The following SMAD7 variants were observed in gnomAD, a reference collection of about 807,000 sequenced individuals.
The protein encoded by SMAD7 is SMAD family member 7.
Under a neutral mutation model 38.7 loss-of-function variants are expected in SMAD7, and 8 were observed. The observed-to-expected ratio is 0.21, with a 90% CI of 0.12 to 0.37. The LOEUF is 0.37. Ranked by LOEUF, SMAD7 falls within the 10% of genes least tolerant of loss-of-function variation. The probability of loss-of-function intolerance (pLI) is 1.00; values close to 1 mark genes in which losing one functional copy is unlikely to be tolerated. For missense variants in SMAD7, 477 were observed against 577.9 expected, an observed-to-expected ratio of 0.83 and a Z score of 1.79; for synonymous variants, 327 against 265.1, an observed-to-expected ratio of 1.23 and a Z score of -2.27.
In SMAD7 at chr18:48,944,328, G is replaced by A. The variant is rs1477534946; in HGVS notation, c.668-1773C>T. Among the ~76,000 whole-genome samples, 7 of 152,254 alleles carry A rather than the reference G, an allele frequency of 4.6e-5. No homozygotes were observed. The South Asian group carries it at 8.3e-4, about 18-fold the overall frequency. On this transcript the variant is annotated intron_variant, in intron 2 of 3. Coordinates refer to ENST00000262158, the MANE Select transcript of SMAD7 (RefSeq NM_005904.4). ...CAAGGTGTGTTTCAAAGGAAAAGCC[G>A]GGCATCTCAGAGCAGAGCTGAGACC...
chr18:48,925,936 C>T (rs1289997052), intron 3 of SMAD7, among the ~76,000 whole-genome samples: 2 of 152,150 alleles, frequency 1.3e-5, no homozygotes, highest in Non-Finnish European at 2.9e-5. Context: ...TTAGTAGAGA[C>T]AGGGTTTCAC....
intron 3 of SMAD7, among the ~76,000 whole-genome samples, chr18:48,935,314 C>G (rs1261931661): frequency 6.6e-6 from 1 of 152,226 alleles, no homozygotes; most frequent in Non-Finnish European, 1.5e-5. Context: ...CTGAAAATAG[C>G]CCGGAGAGGA....
chr18:48,948,300 T>C lies in SMAD7; in HGVS notation c.667+84A>G, dbSNP rs560859371. On this transcript the variant is annotated intron_variant, in intron 2 of 3. Transcript: ENST00000262158. ...GTGAAGCCCAGCACCTCCCCAAGCC[T>C]TTGCCTACACACAAAAAGCCACGTT... The C allele has an allele frequency of 7.8e-6, 7 of 902,778 alleles. No homozygotes were observed. The East Asian group carries it at 1.9e-4, about 25-fold the overall frequency. The allele number at this position is 902,778 out of a possible 1,614,324, so 55.9% of individuals were successfully genotyped here.
chr18:48,936,302 G>GTATC (rs2070065304), intron 3 of SMAD7, among the ~76,000 whole-genome samples: 1 of 152,176 alleles, frequency 6.6e-6, no homozygotes, highest in South Asian at 2.1e-4. Context: ...GATTATCCAA[G>GTATC]TATCTACATG....
intron 1 of SMAD7, 99 bp downstream of exon 1, chr18:48,949,713 C>T: frequency 7.4e-7 from 1 of 1,345,322 alleles, no homozygotes; most frequent in Non-Finnish European, 1.0e-6. Context: ...TATGCACACT[C>T]CCCCTGGAGG....
chr18:48,941,420 C>T (rs558237305), intron 3 of SMAD7, among the ~76,000 whole-genome samples: 6 of 152,128 alleles, frequency 3.9e-5, no homozygotes, highest in South Asian at 4.1e-4. Context: ...GGGAGGGAGC[C>T]GTCCGGGAAT....
Position 48,947,903 on chromosome 18 carries a change from C to T in SMAD7, c.667+481G>A, listed in dbSNP as rs868548543. ...AGCAGGAGGAACCTACCCCCCCCCC[C>T]CTTTTACTGGCTGTTGCCTATACTT... On this transcript the variant is annotated intron_variant, in intron 2 of 3. Transcript: ENST00000262158. Among the ~76,000 whole-genome samples the T allele has an allele frequency of 1.3e-4, 20 of 149,850 alleles. 1 individual carries two copies. The highest frequency in any genetic ancestry group is 4.0e-4 in the East Asian group (2 of 5,018).
chr18:48,949,700 G>C (rs1430144308), intron 1 of SMAD7, 112 bp downstream of exon 1: 2 of 1,186,438 alleles, frequency 1.7e-6, no homozygotes, highest in African/African-American at 1.6e-5. Flanking sequence ...TCTCCCAGGA[G>C]GGTATGCACA....
chr18:48,939,672 A>G, intron 3 of SMAD7, among the ~76,000 whole-genome samples: 1 of 143,762 alleles, frequency 7.0e-6, no homozygotes, highest in Non-Finnish European at 1.5e-5. Flanking sequence ...CCTTCCTCCC[A>G]CCCTAAACTG....
intron 3 of SMAD7, among the ~76,000 whole-genome samples, chr18:48,939,270 A>C (rs773149345): frequency 1.1e-4 from 17 of 152,106 alleles, no homozygotes; most frequent in Non-Finnish European, 2.1e-4. Context: ...CCTGGAAGCA[A>C]GTCACTGCCT....
At chr18:48,938,803 C>T (rs1324739539) in intron 3 of SMAD7, among the ~76,000 whole-genome samples, 1 of 152,192 alleles carries the variant, frequency 6.6e-6, no homozygotes, top group Admixed American at 6.5e-5. Context: ...ATCTCCACGA[C>T]GGAGCTGAGC....
chr18:48,927,408 G>A (rs2069941858), intron 3 of SMAD7, among the ~76,000 whole-genome samples: 2 of 152,078 alleles, frequency 1.3e-5, no homozygotes, highest in African/African-American at 4.8e-5. Flanking sequence ...TCAAAGGCCA[G>A]GCTGCTCTCT....
Position 48,921,432 on chromosome 18 carries a change from G to A in SMAD7, c.1221C>T (p.Tyr407=). Residue 407 remains tyrosine (Y), a synonymous_variant, in exon 4 of 4, where the codon TAC becomes TAT. Transcript: ENST00000262158. This position sits in a 1 kb window ranked among gnomAD's most constrained non-coding sequence, Gnocchi z 6.4. The part of the protein sequence containing the change: ...ISFVKGWGQC[Y]TRQFISSCPC... ...GGCAGCTGCTGATGAACTGGCGGGT[G>A]TAGCACTGGCCCCAGCCCTTCACAA... 1.2e-6 allele frequency: 2 copies of A among 1,613,358 alleles called. No individual in the cohort carries two copies. The highest frequency in any genetic ancestry group is 1.7e-6 in the Non-Finnish European group (2 of 1,179,478).
chr18:48,944,094 T>C (rs942987835), intron 2 of SMAD7, among the ~76,000 whole-genome samples: 7 of 152,070 alleles, frequency 4.6e-5, no homozygotes, highest in East Asian at 1.9e-4. Context: ...CAGAAAACAA[T>C]AGAGGCAGGC....
chr18:48,921,636 G>A lies in SMAD7; in HGVS notation c.1017C>T (p.Pro339=). ...CCAGTGTGGCGGACTTGATGAAGAT[G>A]GGGTAACTGCTGCGGTTGTACACCC... ...GVWVYNRSSY[P]IFIKSATLDN... The change falls in exon 4 of 4, where the codon CCC becomes CCT. Residue 339 remains proline (P), a synonymous_variant. Coordinates refer to ENST00000262158, the MANE Select transcript of SMAD7 (RefSeq NM_005904.4). This position sits in a 1 kb window ranked among gnomAD's most constrained non-coding sequence, Gnocchi z 6.4. 2.5e-6 allele frequency: 4 copies of A among 1,612,780 alleles called. No individual in the cohort carries two copies. The highest frequency in any genetic ancestry group is 3.4e-6 in the Non-Finnish European group (4 of 1,178,864).
At chr18:48,943,435 C>A (rs564981134) in intron 2 of SMAD7, among the ~76,000 whole-genome samples, 1 of 152,308 alleles carries the variant, frequency 6.6e-6, no homozygotes, top group African/African-American at 2.4e-5. Context: ...AATGACAATT[C>A]CAGCTGAGAA....
intron 3 of SMAD7, among the ~76,000 whole-genome samples, chr18:48,934,307 G>A (rs1319760818): frequency 6.6e-6 from 1 of 152,150 alleles, no homozygotes; most frequent in African/African-American, 2.4e-5. Flanking sequence ...AACTCCTGCA[G>A]GATGAGGGGG....
intron 3 of SMAD7, among the ~76,000 whole-genome samples, chr18:48,924,045 C>T (rs2069896209): frequency 6.6e-6 from 1 of 152,174 alleles, no homozygotes; most frequent in African/African-American, 2.4e-5. Context: ...GACACATTGG[C>T]ATCAAGTGTG....
chr18:48,948,340 T>A (rs2070219483), intron 2 of SMAD7, 44 bp downstream of exon 2: 4 of 1,424,022 alleles, frequency 2.8e-6, no homozygotes, highest in Non-Finnish European at 3.9e-6. Context: ...AGGCTCTATT[T>A]CTAACTTAAG....
Sources: allele counts gnomAD v4.1 joint callset (sites outside exome capture counted in the v4.1 genomes callset), GRCh38; gene constraint gnomAD v4.1.1; non-coding constraint Gnocchi (gnomAD v3.1); transcripts MANE v1.5; gene names NCBI Gene and HGNC (gene_info 2026-07-23, HGNC 2026-07-21).